Variants in HEATR6 observed in about 807,000 individuals in gnomAD.
HEATR6 encodes the protein HEAT repeat-containing protein 6.
HEATR6 carries 106 observed loss-of-function variants against 132.8 expected under a neutral mutation model. The ratio of observed to expected loss-of-function variants is 0.80; its 90% CI spans 0.68 to 0.94. HEATR6 has a LOEUF of 0.94. HEATR6 is among the 40% of genes least tolerant of loss of function. The probability of loss-of-function intolerance (pLI) is 0.00; values close to 1 mark genes in which losing one functional copy is unlikely to be tolerated. For missense variants in HEATR6, 1,339 were observed against 1,425.1 expected (o/e 0.94, Z 0.97); for synonymous variants, 529 against 537.8 (o/e 0.98, Z 0.23).
chr17:60,056,067 T>C (rs1243158699), intron 13 of HEATR6, 48 bp downstream of exon 13: 3 of 1,597,538 alleles, frequency 1.9e-6, no homozygotes, highest in Non-Finnish European at 2.6e-6. Flanking sequence ...AAAGGAAGGA[T>C]ATAAAGTGAA....
chr17:60,069,981 A>G, intron 6 of HEATR6, 133 bp from the exon 7 acceptor site: 1 of 1,066,602 alleles, frequency 9.4e-7, no homozygotes, highest in African/African-American at 1.6e-5. Context: ...TCAAAAGCCT[A>G]CTAAGGAAAT....
chr17:60,045,236 C>T (rs979559710), intron 19 of HEATR6, among the ~76,000 whole-genome samples: 1 of 152,200 alleles, frequency 6.6e-6, no homozygotes, highest in East Asian at 1.9e-4. Flanking sequence ...AGCTACCTTA[C>T]ATACTCCCAG....
At chr17:60,072,362 A>G (rs1416201500) in intron 4 of HEATR6, 33 bp from the exon 5 acceptor site, 1 of 1,228,022 alleles carries the variant, frequency 8.1e-7, no homozygotes, top group Non-Finnish European at 1.2e-6. Flanking sequence ...ACTCAAACTC[A>G]GTCTCCTTTA....
At chr17:60,048,980 TATA>T (rs199919376) in intron 16 of HEATR6, among the ~76,000 whole-genome samples, 5,179 of 66,172 alleles carry the variant, frequency 0.078, 588 homozygotes, top group African/African-American at 0.4. Context: ...AACATATATA[TATA>T]ATATATATAT....
chr17:60,048,981 A>AT (rs1300408850), intron 16 of HEATR6, among the ~76,000 whole-genome samples: 16 of 56,590 alleles, frequency 2.8e-4, no homozygotes, highest in East Asian at 2.6e-3. Context: ...ACATATATAT[A>AT]TAATATATAT....
chr17:60,055,721 T>C (rs915248918), intron 13 of HEATR6, 120 bp from the exon 14 acceptor site: 17 of 603,712 alleles, frequency 2.8e-5, no homozygotes, highest in African/African-American at 3.7e-5. Context: ...AGTAACACCT[T>C]CACTCGAGTG....
At chr17:60,060,124 T>C in intron 9 of HEATR6, 28 bp from the exon 10 acceptor site, 2 of 1,525,318 alleles carry the variant, frequency 1.3e-6, no homozygotes, top group Non-Finnish European at 1.8e-6. Flanking sequence ...TTCACATTGA[T>C]TAGTTGAAAA....
At chr17:60,069,652 A>G in intron 7 of HEATR6, 59 bp downstream of exon 7, 1 of 1,512,188 alleles carries the variant, frequency 6.6e-7, no homozygotes. Context: ...CATAGAAAAC[A>G]CACACAACAA....
chr17:60,078,614 C>A, intron 1 of HEATR6, 82 bp downstream of exon 1: 1 of 1,079,422 alleles, frequency 9.3e-7, no homozygotes, highest in South Asian at 1.5e-5. Context: ...GTGGGAAGAT[C>A]AGGGAAAGGC....
At chr17:60,057,022 A>G (rs368432269) in intron 12 of HEATR6, 26 bp downstream of exon 12, 12 of 1,497,642 alleles carry the variant, frequency 8.0e-6, no homozygotes, top group African/African-American at 7.0e-5. Context: ...CTTCCATTTC[A>G]GAGATGAGGA....
intron 9 of HEATR6, chr17:60,064,131 GA>G (rs1454095398): frequency 6.6e-6 from 1 of 152,240 alleles, no homozygotes; most frequent in Non-Finnish European, 1.5e-5. Flanking sequence ...CCAACATGGA[GA>G]AATCCCATCT....
chr17:60,077,280 G>C (rs989939809), intron 1 of HEATR6, among the ~76,000 whole-genome samples: 14 of 152,154 alleles, frequency 9.2e-5, no homozygotes, highest in African/African-American at 3.4e-4. Context: ...TTGCCAGATA[G>C]GGCATCAAAA....
chr17:60,054,219 A>G (rs1906669883), intron 14 of HEATR6, among the ~76,000 whole-genome samples: 1 of 152,256 alleles, frequency 6.6e-6, no homozygotes, highest in Admixed American at 6.5e-5. Context: ...TACAGGCTGT[A>G]AGCCTTAGCA....
chr17:60,060,834 C>T (rs2145191689), intron 9 of HEATR6, among the ~76,000 whole-genome samples: 2 of 151,994 alleles, frequency 1.3e-5, no homozygotes, highest in East Asian at 3.9e-4. Flanking sequence ...TTTGACAATT[C>T]AAAAAAGGAA....
Position 60,043,586 on chromosome 17 carries a change from G to T in HEATR6, c.3523C>A (p.Leu1175Ile), listed in dbSNP as rs1203673237. ...CFDSSGSQGALPGLTNQ is the reference protein window; with the variant it reads ...CFDSSGSQGAIPGLTNQ The stretch of plus-strand genomic sequence containing the variant: ...CTTCACTGATTTGTTAACCCTGGGA[G>T]TGCCCCTTGTGATCCAGATGAGTCA... The change falls in exon 20 of 20, where the codon CTC becomes ATC. Residue 1175 changes from leucine (L) to isoleucine (I), a missense_variant. Physicochemically the swap from Leu to Ile is conservative, Grantham distance 5. Coordinates refer to ENST00000184956, the MANE Select transcript of HEATR6 (RefSeq NM_022070.5). 1 of 1,613,116 alleles carries T rather than the reference G, an allele frequency of 6.2e-7. No homozygotes were observed. Among genetic ancestry groups the T allele is most frequent in the South Asian group, 1.1e-5 (1 of 91,046 alleles).
chr17:60,074,842 C>CAA (rs1289592872), intron 2 of HEATR6, among the ~76,000 whole-genome samples: 1 of 152,200 alleles, frequency 6.6e-6, no homozygotes, highest in African/African-American at 2.4e-5. Flanking sequence ...ATGTGCAAGA[C>CAA]AGCCCCTAAA....
At chr17:60,074,173 G>A (rs770965015) in intron 2 of HEATR6, 13 of 1,101,724 alleles carry the variant, frequency 1.2e-5, no homozygotes, top group Non-Finnish European at 1.4e-5. Context: ...TGAATACACA[G>A]ATATGAGTAT....
chr17:60,076,102 T>G (rs760705426), intron 2 of HEATR6, 28 bp downstream of exon 2: 1 of 1,308,428 alleles, frequency 7.6e-7, no homozygotes, highest in Non-Finnish European at 1.1e-6. Context: ...GTTCATGATC[T>G]GAATTCTAGA....
intron 2 of HEATR6, chr17:60,075,879 C>G: frequency 4.0e-6 from 1 of 252,408 alleles, no homozygotes; most frequent in Non-Finnish European, 7.4e-6. Context: ...GGTTGGGGGG[C>G]CTGAATGATA....
Sources: allele counts gnomAD v4.1 joint callset (sites outside exome capture counted in the v4.1 genomes callset), GRCh38; gene constraint gnomAD v4.1.1; transcripts MANE v1.5; gene names NCBI Gene and HGNC (gene_info 2026-07-23, HGNC 2026-07-21).